CSF2RA: variants seen among roughly 807,000 people sequenced by gnomAD.
CSF2RA encodes granulocyte-macrophage colony-stimulating factor receptor subunit alpha.
A neutral mutation model predicts 51.6 loss-of-function variants in CSF2RA; 42 were observed. The observed-to-expected ratio is 0.81, with a 90% confidence interval of 0.64 to 1.05. The LOEUF (loss-of-function observed/expected upper bound fraction) is 1.05. Among genes scored for constraint, CSF2RA ranks in the 50% least tolerant of loss-of-function variants. The probability of loss-of-function intolerance (pLI) is 0.00; values close to 1 mark genes in which losing one functional copy is unlikely to be tolerated. For synonymous variants in CSF2RA, 222 were observed against 193.0 expected (o/e 1.15, Z -1.24); for missense variants, 530 against 501.1 (o/e 1.06, Z -0.55).
At chrX:1,270,682 G>T (rs1457435497) in intron 1 of CSF2RA, among the ~76,000 whole-genome samples, 2 of 151,576 alleles carry the variant, frequency 1.3e-5, no homozygotes, top group Admixed American at 1.3e-4. Context: ...CATATCTTGC[G>T]TCAGGAATGG....
chrX:1,300,362 G>C, intron 9 of CSF2RA, 129 bp from the exon 10 acceptor site: 1 of 1,176,936 alleles, frequency 8.5e-7, no homozygotes, highest in South Asian at 1.4e-5. Flanking sequence ...ATTCAGAGTG[G>C]TAGAAAAAAA....
the CSF2RA span, among the ~76,000 whole-genome samples, chrX:1,321,595 G>A: frequency 6.6e-6 from 1 of 150,442 alleles, no homozygotes; most frequent in East Asian, 2.0e-4. Flanking sequence ...AAAAAGAAAC[G>A]CAGACAGCAT....
downstream of CSF2RA, among the ~76,000 whole-genome samples, chrX:1,314,289 TCTGCCCAACCACTCTGTGC>T (rs2084337286): frequency 1.3e-4 from 5 of 39,192 alleles, no homozygotes; most frequent in African/African-American, 4.6e-4. Flanking sequence ...CCCCACTGCA[TCTGCCCAACCACTCTGTGC>T]CTGCCCAACC....
Position 1,288,899 on chromosome X carries a change from A to T in CSF2RA, c.473+11A>T, listed in dbSNP as rs1252780152. 6.3e-7 allele frequency: 1 copy of T among 1,574,812 alleles called. No homozygotes were observed. ...CATACGAAACTCAAAGTAAGTGTTC[A>T]CCTCATGTGAAGAATTATGAGGAAT... On this transcript the variant is annotated intron_variant, in intron 6 of 12. Coordinates refer to ENST00000381529, the MANE Select transcript of CSF2RA (RefSeq NM_172245.4).
At chrX:1,293,886 C>G (rs868450783) in intron 7 of CSF2RA, 1 of 372,522 alleles carries the variant, frequency 2.7e-6, no homozygotes, top group Middle Eastern at 8.8e-4. Context: ...CCACCTCCAC[C>G]TGGACCCAGT....
At chrX:1,319,231 G>C in the CSF2RA span, among the ~76,000 whole-genome samples, 1 of 149,346 alleles carries the variant, frequency 6.7e-6, no homozygotes, top group Non-Finnish European at 1.5e-5. Context: ...CCTGGCCTCA[G>C]GTGATCCACC....
chrX:1,295,803 G>A (rs1297498866), intron 9 of CSF2RA, among the ~76,000 whole-genome samples: 1 of 148,314 alleles, frequency 6.7e-6, no homozygotes, highest in East Asian at 2.0e-4. Flanking sequence ...CGTGTAGACA[G>A]GAAGAGACCC....
chrX:1,305,572 G>C, intron 12 of CSF2RA, 45 bp downstream of exon 12: 1 of 1,613,986 alleles, frequency 6.2e-7, no homozygotes, highest in Non-Finnish European at 8.5e-7. Context: ...GGAAGGTGGG[G>C]AGTGGGGAGC....
intron 12 of CSF2RA, 97 bp downstream of exon 12, chrX:1,305,624 C>T: frequency 6.2e-7 from 1 of 1,613,626 alleles, no homozygotes; most frequent in South Asian, 1.1e-5. Context: ...TGCTTCTCCA[C>T]CAGATGGGAC....
the CSF2RA span, among the ~76,000 whole-genome samples, chrX:1,318,034 G>C: frequency 2.0e-5 from 3 of 151,562 alleles, no homozygotes; most frequent in Non-Finnish European, 4.4e-5. Context: ...TGTCACCCAG[G>C]CTGGAGTGCA....
intron 1 of CSF2RA, among the ~76,000 whole-genome samples, chrX:1,270,540 A>G (rs1301287352): frequency 5.9e-5 from 9 of 151,994 alleles, no homozygotes; most frequent in Non-Finnish European, 4.4e-5. Context: ...CGCCTGGCCC[A>G]ATATTATCAT....
At chrX:1,300,710 G>T in intron 10 of CSF2RA, 84 bp downstream of exon 10, 1 of 1,580,580 alleles carries the variant, frequency 6.3e-7, no homozygotes, top group South Asian at 1.1e-5. Flanking sequence ...CTCTGTCCTG[G>T]GCGCTGAGAT....
At position 1,291,342 on chromosome X, in the gene CSF2RA, CCTT is replaced by C. The variant is rs765183574; in HGVS notation, c.646+838_646+840del. ...TCCTTCCTTCCTTCCTCCTTCCCTC[CCTT>C]CTTCCTTCCCTCCCTCCCTCTCTCC... is the stretch of plus-strand genomic sequence containing the variant. On this transcript the variant is annotated intron_variant, in intron 7 of 12. Transcript: ENST00000381529. 8.0e-5 allele frequency among the ~76,000 whole-genome samples: 12 copies of C among 149,154 alleles called. No individual in the cohort carries two copies. The South Asian group carries it at 1.3e-3, about 16-fold the overall frequency.
rs1258563583 is a variant in CSF2RA at position 1,302,135 on chromosome X, T to C, written c.946+1509T>C. On this transcript the variant is annotated intron_variant, in intron 10 of 12. Transcript: ENST00000381529. ...TTCACCATGTTGGTCAGGCTGTTCTTGAACTCCTGACCTCAGGTGATCTGC... is the reference window on the plus strand; with the variant it reads ...TTCACCATGTTGGTCAGGCTGTTCTCGAACTCCTGACCTCAGGTGATCTGC... Among the ~76,000 whole-genome samples, 17 of 148,824 alleles carry C rather than the reference T, an allele frequency of 1.1e-4. No individual in the cohort carries two copies. The East Asian group carries it at 2.5e-3, about 22-fold the overall frequency.
intron 2 of CSF2RA, among the ~76,000 whole-genome samples, chrX:1,275,031 C>T (rs184497279): frequency 6.8e-6 from 1 of 147,014 alleles, no homozygotes; most frequent in Non-Finnish European, 1.5e-5. Context: ...CCTGAAGCAG[C>T]GTGACAAGGC....
chrX:1,310,655 G>C (rs1224990036), downstream of CSF2RA, among the ~76,000 whole-genome samples: 1 of 136,870 alleles, frequency 7.3e-6, no homozygotes, highest in Non-Finnish European at 1.5e-5. Context: ...ATGACATAGC[G>C]AGACTCCATC....
the CSF2RA span, among the ~76,000 whole-genome samples, chrX:1,323,187 T>TAAAATAAAATAA: frequency 0.026 from 1,278 of 48,590 alleles, 7 homozygotes; most frequent in Non-Finnish European, 0.05. Context: ...AAATAAAATA[T>TAAAATAAAATAA]AAAATGGTCT....
intron 1 of CSF2RA, among the ~76,000 whole-genome samples, chrX:1,272,090 A>G (rs2088513199): frequency 6.6e-6 from 1 of 151,260 alleles, no homozygotes; most frequent in African/African-American, 2.4e-5. Context: ...AGTAGCTGGG[A>G]TTACAGGCGT....
chrX:1,306,642 C>G (rs2083597837), intron 12 of CSF2RA, among the ~76,000 whole-genome samples: 1 of 151,632 alleles, frequency 6.6e-6, no homozygotes, highest in African/African-American at 2.4e-5. Context: ...GCAAAACTCT[C>G]TATCAAAAAC....
Sources: allele counts gnomAD v4.1 joint callset (sites outside exome capture counted in the v4.1 genomes callset), GRCh38; gene constraint gnomAD v4.1.1; transcripts MANE v1.5; gene names NCBI Gene and HGNC (gene_info 2026-07-23, HGNC 2026-07-21).